IQSEC1: variants seen among roughly 807,000 people sequenced by gnomAD.
IQSEC1 encodes the protein IQ motif and Sec7 domain ArfGEF 1, also known as IQ motif and SEC7 domain-containing protein 1.
A neutral mutation model predicts 91.0 loss-of-function variants in IQSEC1; 31 were observed. That is an observed-to-expected ratio of 0.34 (90% CI 0.26 to 0.46). The LOEUF is 0.46. IQSEC1 is among the 20% of genes least tolerant of loss of function. The pLI, the probability that IQSEC1 is intolerant of heterozygous loss-of-function variation, is 1.00. For synonymous variants in IQSEC1, 699 were observed against 662.6 expected (o/e 1.05, Z -0.84); for missense variants, 1,388 against 1,575.6 (o/e 0.88, Z 2.02).
intron 5 of IQSEC1, among the ~76,000 whole-genome samples, chr3:12,920,984 TTGAGG>T: frequency 6.6e-6 from 1 of 152,094 alleles, no homozygotes; most frequent in South Asian, 2.1e-4. Context: ...CTCCGGGACC[TTGAGG>T]TGAAAGCAGC....
At chr3:13,075,483 T>C (rs138096961), upstream of IQSEC1, among the ~76,000 whole-genome samples, 46 of 152,332 alleles carry the variant, frequency 3.0e-4, no homozygotes, top group East Asian at 3.9e-3. Flanking sequence ...GAGTGGTGAA[T>C]TGGATGCCTT....
At chr3:13,251,147 G>A (rs1343831895) in intron 1 of IQSEC1, among the ~76,000 whole-genome samples, 2 of 152,176 alleles carry the variant, frequency 1.3e-5, no homozygotes, top group Non-Finnish European at 2.9e-5. Context: ...CACTGGCTGA[G>A]CCCTGGGCCA....
At chr3:13,232,037 C>A (rs1018375645) in intron 1 of IQSEC1, among the ~76,000 whole-genome samples, 2 of 152,252 alleles carry the variant, frequency 1.3e-5, no homozygotes, top group Non-Finnish European at 2.9e-5. Flanking sequence ...CGTGTTGAAA[C>A]CTGGATTACT....
intron 2 of IQSEC1, among the ~76,000 whole-genome samples, chr3:13,102,534 G>A (rs1006409403): frequency 2.6e-5 from 4 of 152,252 alleles, no homozygotes; most frequent in South Asian, 2.1e-4. Context: ...TGTGCTTCAC[G>A]GGGGTCTGGC....
chr3:12,967,258 A>C lies in IQSEC1; in HGVS notation c.24-25393T>G. The C allele has an allele frequency of 1.4e-6, 1 of 722,246 alleles. No individual in the cohort carries two copies. The highest frequency in any genetic ancestry group is 1.9e-5 in the African/African-American group (1 of 53,278). The allele number at this position is 722,246 out of a possible 1,614,324, so 44.7% of individuals were successfully genotyped here. On this transcript the variant is annotated intron_variant, in intron 1 of 13. Coordinates refer to ENST00000613206, the MANE Select transcript of IQSEC1 (RefSeq NM_001134382.3). This position sits in a 1 kb window ranked among gnomAD's most constrained non-coding sequence, Gnocchi z 5.9. Reference sequence around the variant, plus strand: ...GGCGGACGCACCCCGCCCCGCAGGCAGCTTTCTCTCGCACGCCGGGCGCCC... The same window carrying C: ...GGCGGACGCACCCCGCCCCGCAGGCCGCTTTCTCTCGCACGCCGGGCGCCC...
At chr3:13,107,603 C>T (rs1369078211) in intron 2 of IQSEC1, among the ~76,000 whole-genome samples, 1 of 152,220 alleles carries the variant, frequency 6.6e-6, no homozygotes, top group Admixed American at 6.5e-5. Context: ...AGGCTTTGCT[C>T]AGCACCAAGT....
chr3:13,075,012 G>A (rs76996206), upstream of IQSEC1, among the ~76,000 whole-genome samples: 3,805 of 152,236 alleles, frequency 0.025, 167 homozygotes, highest in African/African-American at 0.087. Context: ...GTGAGGCATC[G>A]AACAGAACTG....
At position 13,249,143 on chromosome 3, in the gene IQSEC1, A is replaced by G. The variant is rs368472203; in HGVS notation, c.272+33568T>C. 2.3e-4 allele frequency among the ~76,000 whole-genome samples: 35 copies of G among 150,808 alleles called. 3 individuals carry two copies. The highest frequency in any genetic ancestry group is 1.3e-3 in the South Asian group (6 of 4,730). On this transcript the variant is annotated intron_variant, in intron 1 of 15. Transcript: ENST00000648114. ...GATGCGCAATTATAGAAAAGAAGGA[A>G]ACTTCCTTTGGGGGAAGGAATTTCT...
rs531037886 is a variant in IQSEC1 at position 13,170,037 on chromosome 3, T to C, written c.273-5904A>G. 1.2e-4 allele frequency among the ~76,000 whole-genome samples: 18 copies of C among 152,354 alleles called. No individual in the cohort carries two copies. The South Asian group carries it at 3.5e-3, about 30-fold the overall frequency. ...GTCTCCAGGGAATGTCAAGAGGTCT[T>C]CACAGCAGCCCCTCCCATCACAAGC... On this transcript the variant is annotated intron_variant, in intron 1 of 15. Transcript: ENST00000648114.
Position 12,900,474 on chromosome 3 carries a change from T to C in IQSEC1, c.*509A>G. On this transcript the variant is annotated 3_prime_UTR_variant, in exon 14 of 14. Transcript: ENST00000613206. The stretch of plus-strand genomic sequence containing the variant: ...CAGTATATATATATATATATTTATA[T>C]ATTTATATATTTATATAAAGTTTAC... 1 of 695,482 alleles carries C rather than the reference T, an allele frequency of 1.4e-6. No homozygotes were observed. Among genetic ancestry groups the C allele is most frequent in the Non-Finnish European group, 1.8e-6 (1 of 567,618 alleles). The allele number at this position is 695,482 out of a possible 1,614,324, so 43.1% of individuals were successfully genotyped here.
chr3:13,023,760 G>T (rs147815867), intron 1 of IQSEC1, among the ~76,000 whole-genome samples: 1 of 152,332 alleles, frequency 6.6e-6, no homozygotes, highest in African/African-American at 2.4e-5. Flanking sequence ...AACAAGATAG[G>T]TTTCTACAAA....
intron 2 of IQSEC1, among the ~76,000 whole-genome samples, chr3:13,083,094 C>T (rs1705674072): frequency 6.6e-6 from 1 of 152,216 alleles, no homozygotes; most frequent in Non-Finnish European, 1.5e-5. Flanking sequence ...GGAATGTGAG[C>T]CTGGTGGGGG....
In IQSEC1 at chr3:13,071,153, G is replaced by GTTTTTTTTTTTT. The variant is rs796412810; in HGVS notation, c.23+1827_23+1838dup. 2.6e-3 allele frequency among the ~76,000 whole-genome samples: 238 copies of GTTTTTTTTTTTT among 90,820 alleles called. 3 individuals are homozygous for GTTTTTTTTTTTT. The highest frequency in any genetic ancestry group is 9.5e-3 in the Middle Eastern group (2 of 210). 59.6% of individuals were successfully genotyped at this position (90,820 alleles called of 152,430 possible). A position where few individuals can be genotyped will look rare whatever the true frequency, so the allele number is the denominator to read the frequency against. ...GGTGGGACCCACACAGTTTTTTTTT[G>GTTTTTTTTTTTT]TTTTTTTTTTTTTGTTTGTTTCTTT... On this transcript the variant is annotated intron_variant, in intron 1 of 13. Transcript: ENST00000613206.
At chr3:13,168,917 C>T (rs1693551260) in intron 1 of IQSEC1, among the ~76,000 whole-genome samples, 1 of 152,212 alleles carries the variant, frequency 6.6e-6, no homozygotes, top group Non-Finnish European at 1.5e-5. Context: ...CTGAAATTGT[C>T]TTATTTGTCT....
intron 1 of IQSEC1, among the ~76,000 whole-genome samples, chr3:12,982,936 C>T (rs182646839): frequency 6.6e-6 from 1 of 152,372 alleles, no homozygotes; most frequent in East Asian, 1.9e-4. Context: ...TGGCAAGGTG[C>T]GGGCCCAGGT....
chr3:13,261,888 C>T (rs547047646), intron 1 of IQSEC1, among the ~76,000 whole-genome samples: 1 of 152,358 alleles, frequency 6.6e-6, no homozygotes, highest in Non-Finnish European at 1.5e-5. Flanking sequence ...CGTAAAAATG[C>T]CGTGCTCTGG....
At chr3:13,124,962 G>A (rs1706489224) in intron 2 of IQSEC1, among the ~76,000 whole-genome samples, 1 of 152,126 alleles carries the variant, frequency 6.6e-6, no homozygotes, top group South Asian at 2.1e-4. Context: ...GTTTGGCCAG[G>A]GCATCAGGGA....
At chr3:13,203,635 G>A (rs1465378010) in intron 1 of IQSEC1, among the ~76,000 whole-genome samples, 1 of 152,158 alleles carries the variant, frequency 6.6e-6, no homozygotes, top group Non-Finnish European at 1.5e-5. Context: ...GAAACACTGC[G>A]CTTGCAGTAC....
At position 12,925,293 on chromosome 3, in the gene IQSEC1, C is replaced by A. The variant is rs536660522; in HGVS notation, c.1569-551G>T. On this transcript the variant is annotated intron_variant, in intron 3 of 13. Coordinates refer to ENST00000613206, the MANE Select transcript of IQSEC1 (RefSeq NM_001134382.3). ...ACGGGTAATAACAGCAACCACAGCA[C>A]CGGCGGGGAGAAATCGCTCTGTGCC... Among the ~76,000 whole-genome samples, 24 of 152,312 alleles carry A rather than the reference C, an allele frequency of 1.6e-4. No homozygotes were observed. In the East Asian group the frequency reaches 4.6e-3, roughly 29 times the overall value.
Sources: allele counts gnomAD v4.1 joint callset (sites outside exome capture counted in the v4.1 genomes callset), GRCh38; gene constraint gnomAD v4.1.1; non-coding constraint Gnocchi (gnomAD v3.1); transcripts MANE v1.5; gene names NCBI Gene and HGNC (gene_info 2026-07-23, HGNC 2026-07-21).